Variants in TSNARE1 observed in about 807,000 individuals in gnomAD.
The protein encoded by TSNARE1 is t-SNARE domain containing 1.
In TSNARE1, 49 loss-of-function variants were observed where a neutral mutation model predicts 62.0. That is an observed-to-expected ratio of 0.79 (90% CI 0.63 to 1.00). TSNARE1 has a LOEUF of 1.00. Among genes scored for constraint, TSNARE1 ranks in the 50% least tolerant of loss-of-function variants. The pLI is 0.00. For missense variants in TSNARE1, 755 were observed against 700.1 expected, an observed-to-expected ratio of 1.08 and a Z score of -0.88; for synonymous variants, 328 against 294.4, an observed-to-expected ratio of 1.11 and a Z score of -1.17.
chr8:142,289,960 A>G (rs1823480578), intron 10 of TSNARE1, among the ~76,000 whole-genome samples: 2 of 152,184 alleles, frequency 1.3e-5, no homozygotes, highest in East Asian at 3.9e-4. Context: ...AAGAGACAGA[A>G]GAGGGCCTCT....
At chr8:142,299,475 G>C (rs1421038848) in intron 10 of TSNARE1, among the ~76,000 whole-genome samples, 1 of 152,232 alleles carries the variant, frequency 6.6e-6, no homozygotes, top group Non-Finnish European at 1.5e-5. Context: ...CCAGAGGAAG[G>C]GAAGGACGTT....
chr8:142,256,882 G>A (rs1305736072), intron 12 of TSNARE1, among the ~76,000 whole-genome samples: 2 of 152,176 alleles, frequency 1.3e-5, no homozygotes, highest in Non-Finnish European at 2.9e-5. Flanking sequence ...GGCTTTTCTT[G>A]GTGAATGAGG....
At position 142,344,234 on chromosome 8, in the gene TSNARE1, G is replaced by A. The variant is rs1342528933; in HGVS notation, c.477C>T (p.Arg159=). 1 of 1,612,940 alleles carries A rather than the reference G, an allele frequency of 6.2e-7. No homozygotes were observed. The highest frequency in any genetic ancestry group is 8.5e-7 in the Non-Finnish European group (1 of 1,179,404). The part of the protein sequence containing the change: ...GTGLLKAEPT[R]RYRVWSRILQ... ...GGATGCGGCTCCACACGCGGTACCT[G>A]CGAGTGGGCTCGGCCTTCAGCAGCC... The change falls in exon 4 of 14, where the codon CGC becomes CGT. Residue 159 remains arginine (R), a synonymous_variant. Coordinates refer to ENST00000524325, the MANE Select transcript of TSNARE1 (RefSeq NM_145003.5).
intron 1 of TSNARE1, among the ~76,000 whole-genome samples, chr8:142,390,767 C>T (rs1342179374): frequency 7.7e-4 from 21 of 27,180 alleles, no homozygotes; most frequent in African/African-American, 1.7e-3. Context: ...CGGGGGACTC[C>T]GTAACAGACG....
intron 13 of TSNARE1, among the ~76,000 whole-genome samples, chr8:142,213,765 G>T (rs933400553): frequency 6.6e-6 from 1 of 152,166 alleles, no homozygotes; most frequent in Non-Finnish European, 1.5e-5. Context: ...GCCAGTGAGG[G>T]GCCTCTTGGG....
chr8:142,305,160 G>A (rs1444443191), intron 9 of TSNARE1, among the ~76,000 whole-genome samples: 1 of 152,204 alleles, frequency 6.6e-6, no homozygotes, highest in Non-Finnish European at 1.5e-5. Flanking sequence ...TGGCCAGGTG[G>A]AGAAGGCACC....
At position 142,229,589 on chromosome 8, in the gene TSNARE1, A is replaced by C. The variant is rs751812055; in HGVS notation, c.1447-10T>G. On this transcript the variant is annotated splice_polypyrimidine_tract_variant and intron_variant, in intron 12 of 13. Coordinates refer to ENST00000524325, the MANE Select transcript of TSNARE1 (RefSeq NM_145003.5). ...TCTTGTGTCTCTGGAGCTGGGAGAG[A>C]GAGAGAGGTTGTTTCCATATCCTGG... The C allele has an allele frequency of 6.2e-7, 1 of 1,612,814 alleles. No homozygotes were observed.
chr8:142,274,191 G>T (rs1373044089), intron 12 of TSNARE1: 2 of 985,344 alleles, frequency 2.0e-6, no homozygotes, highest in African/African-American at 3.5e-5. Flanking sequence ...TGGGGACAGA[G>T]CCAGTGAGGG....
At chr8:142,332,835 A>G (rs1831247112) in intron 4 of TSNARE1, among the ~76,000 whole-genome samples, 1 of 152,078 alleles carries the variant, frequency 6.6e-6, no homozygotes, top group Non-Finnish European at 1.5e-5. Flanking sequence ...TACACAGAGG[A>G]GCAGAGCGCA....
At chr8:142,313,152 GTCTA>G (rs746147413) in intron 9 of TSNARE1, among the ~76,000 whole-genome samples, 41 of 152,196 alleles carry the variant, frequency 2.7e-4, no homozygotes, top group Admixed American at 3.9e-4. Flanking sequence ...GTGTCTGCAT[GTCTA>G]TCTGTGTCTC....
At chr8:142,278,809 G>A in intron 11 of TSNARE1, 1 of 985,432 alleles carries the variant, frequency 1.0e-6, no homozygotes, top group Non-Finnish European at 1.2e-6. Flanking sequence ...AGTGGGCCCA[G>A]AGGGAGGGGC....
chr8:142,284,233 C>T (rs984018052), intron 11 of TSNARE1, among the ~76,000 whole-genome samples, 180 bp downstream of exon 11: 3 of 152,174 alleles, frequency 2.0e-5, no homozygotes, highest in Admixed American at 6.5e-5. Context: ...ACGAGCGGAG[C>T]AGGGCTGGAG....
chr8:142,259,615 T>C (rs1264301738), intron 12 of TSNARE1, among the ~76,000 whole-genome samples: 1 of 152,174 alleles, frequency 6.6e-6, no homozygotes, highest in South Asian at 2.1e-4. Flanking sequence ...TGCTGTTTAT[T>C]TAACCTGCTT....
chr8:142,305,566 G>A (rs957084663), intron 9 of TSNARE1, among the ~76,000 whole-genome samples: 1 of 152,146 alleles, frequency 6.6e-6, no homozygotes, highest in Non-Finnish European at 1.5e-5. Context: ...GCCTGGTGCC[G>A]CTCTCCCCAG....
chr8:142,357,779 T>C (rs549084462), intron 1 of TSNARE1, among the ~76,000 whole-genome samples: 5 of 151,716 alleles, frequency 3.3e-5, no homozygotes, highest in Admixed American at 1.3e-4. Flanking sequence ...GTAGGGACAG[T>C]TGTTAAGGAA....
chr8:142,368,613 A>T (rs1835721988), intron 1 of TSNARE1, among the ~76,000 whole-genome samples: 2 of 152,156 alleles, frequency 1.3e-5, no homozygotes. Context: ...AGACAAGAAG[A>T]ATGAAGCCAC....
At chr8:142,368,806 G>C (rs530562899) in intron 1 of TSNARE1, among the ~76,000 whole-genome samples, 3 of 152,176 alleles carry the variant, frequency 2.0e-5, no homozygotes, top group African/African-American at 4.8e-5. Flanking sequence ...GATAAGGGCC[G>C]CAATGGCTGA....
chr8:142,281,079 G>A (rs933286640), intron 11 of TSNARE1, among the ~76,000 whole-genome samples: 7 of 152,350 alleles, frequency 4.6e-5, no homozygotes, highest in Middle Eastern at 3.4e-3. Flanking sequence ...ACTGCCAGTT[G>A]TCAGAGCAGG....
At chr8:142,272,263 C>A (rs370021724) in intron 12 of TSNARE1, among the ~76,000 whole-genome samples, 4 of 151,716 alleles carry the variant, frequency 2.6e-5, no homozygotes, top group Admixed American at 6.6e-5. Context: ...TGCCCGTCTA[C>A]ACCTTCCTCC....
Sources: allele counts gnomAD v4.1 joint callset (sites outside exome capture counted in the v4.1 genomes callset), GRCh38; gene constraint gnomAD v4.1.1; transcripts MANE v1.5; gene names NCBI Gene and HGNC (gene_info 2026-07-23, HGNC 2026-07-21).